The following ROBO2 variants were observed in gnomAD, a reference collection of about 807,000 sequenced individuals.
ROBO2 encodes roundabout guidance receptor 2, also known as roundabout homolog 2.
ROBO2 carries 53 observed loss-of-function variants against 160.8 expected under a neutral mutation model. That is an observed-to-expected ratio of 0.33 (90% CI 0.26 to 0.41). The LOEUF is 0.41. Among genes scored for constraint, ROBO2 ranks in the 10% least tolerant of loss-of-function variants. ROBO2 has a pLI of 1.00. For synonymous variants in ROBO2, 664 were observed against 611.7 expected (o/e 1.09, Z -1.26); for missense variants, 1,577 against 1,722.4 (o/e 0.92, Z 1.49).
intron 2 of ROBO2, among the ~76,000 whole-genome samples, chr3:77,114,230 C>T (rs902080316): frequency 6.6e-6 from 1 of 152,116 alleles, no homozygotes; most frequent in Non-Finnish European, 1.5e-5. Context: ...TCTAAGCAAG[C>T]TCCTATAGGA....
intron 23 of ROBO2, among the ~76,000 whole-genome samples, chr3:77,623,532 T>A (rs1025231060): frequency 2.0e-5 from 3 of 152,216 alleles, no homozygotes; most frequent in African/African-American, 7.2e-5. Context: ...TTACTCAATG[T>A]GTGATGCATG....
chr3:76,223,218 A>G (rs773845402), intron 2 of ROBO2, among the ~76,000 whole-genome samples: 11 of 151,870 alleles, frequency 7.2e-5, no homozygotes, highest in Non-Finnish European at 1.5e-5. Context: ...AAGTCTAGTT[A>G]TGGTCTAGAA....
At chr3:77,060,521 T>A (rs559297142) in intron 1 of ROBO2, among the ~76,000 whole-genome samples, 1 of 152,326 alleles carries the variant, frequency 6.6e-6, no homozygotes, top group Admixed American at 6.5e-5. Flanking sequence ...AGCTAGCCAT[T>A]GAAGGAGTTC....
At chr3:77,099,071 C>CTTTTT (rs750626067) in intron 2 of ROBO2, among the ~76,000 whole-genome samples, 96 of 121,230 alleles carry the variant, frequency 7.9e-4, no homozygotes, top group East Asian at 2.3e-3. Context: ...TTCTTTCTTT[C>CTTTTT]TTTTTTTTTT....
chr3:76,070,546 T>A (rs2068417112), intron 2 of ROBO2, among the ~76,000 whole-genome samples: 1 of 152,206 alleles, frequency 6.6e-6, no homozygotes. Flanking sequence ...GCCCCTGTCC[T>A]GTGGTCCTGT....
At chr3:76,948,797 C>T (rs192344627) in intron 2 of ROBO2, among the ~76,000 whole-genome samples, 1,726 of 142,134 alleles carry the variant, frequency 0.012, 16 homozygotes, top group Middle Eastern at 0.022. Flanking sequence ...CCCCCGCCTC[C>T]CAGGTTCAAG....
intron 2 of ROBO2, among the ~76,000 whole-genome samples, chr3:76,196,299 C>T (rs1359848339): frequency 1.3e-5 from 2 of 152,090 alleles, no homozygotes; most frequent in African/African-American, 4.8e-5. Flanking sequence ...TCCTAAGAAT[C>T]ATATAATCAT....
chr3:77,200,275 A>G (rs1469560184), intron 2 of ROBO2, among the ~76,000 whole-genome samples: 1 of 23,554 alleles, frequency 4.2e-5, no homozygotes, highest in South Asian at 1.4e-3. Context: ...TTTTATATAT[A>G]TATATATATA....
chr3:76,213,618 A>G (rs554894062), intron 2 of ROBO2, among the ~76,000 whole-genome samples: 94 of 152,312 alleles, frequency 6.2e-4, no homozygotes, highest in Non-Finnish European at 1.2e-3. Flanking sequence ...TTTAATTTAT[A>G]GAACATTTTG....
intron 2 of ROBO2, among the ~76,000 whole-genome samples, chr3:75,967,619 A>C (rs941408002): frequency 2.0e-5 from 3 of 151,616 alleles, no homozygotes; most frequent in African/African-American, 7.2e-5. Flanking sequence ...GATGGCAAAA[A>C]GTACCCAAGT....
intron 2 of ROBO2, among the ~76,000 whole-genome samples, chr3:75,971,997 A>G (rs2065009823): frequency 6.6e-6 from 1 of 151,632 alleles, no homozygotes; most frequent in Admixed American, 6.6e-5. Flanking sequence ...AATCAAATAA[A>G]TTATTCTGTT....
At chr3:75,959,014 A>C (rs1234202372) in intron 2 of ROBO2, among the ~76,000 whole-genome samples, 1 of 151,810 alleles carries the variant, frequency 6.6e-6, no homozygotes, top group African/African-American at 2.4e-5. Context: ...AGTCAGAGCA[A>C]CTTTAAGGCA....
chr3:77,440,952 G>T (rs905068884), intron 2 of ROBO2, among the ~76,000 whole-genome samples: 4 of 151,986 alleles, frequency 2.6e-5, no homozygotes. Flanking sequence ...TTTCTCCCAT[G>T]CCTCCCCATT....
rs184727058 is a variant in ROBO2 at position 77,588,877 on chromosome 3, T to C, written c.2627T>C (p.Phe876Ser). ...GCCTGCTGGGTAATTCTGATGGGTT[T>C]TAGCATATGGTTGTATTGGCGAAGA... Residue 876 changes from phenylalanine to serine, a missense_variant, in exon 17 of 26, where the codon TTT becomes TCT. This residue lies in a region of ROBO2 where 940 missense variants were observed against 1,135.5 expected (regional missense o/e 0.83). Coordinates refer to ENST00000461745, the Ensembl canonical transcript of ROBO2. 12 of 1,613,600 alleles carry C rather than the reference T, an allele frequency of 7.4e-6. No homozygotes were observed. The East Asian group carries it at 2.7e-4, about 36-fold the overall frequency.
intron 2 of ROBO2, among the ~76,000 whole-genome samples, chr3:76,909,173 G>A (rs549237575): frequency 6.6e-6 from 1 of 152,218 alleles, no homozygotes; most frequent in Non-Finnish European, 1.5e-5. Context: ...GTTGCAGTGA[G>A]CTGCGATCAA....
intron 2 of ROBO2, among the ~76,000 whole-genome samples, chr3:76,274,317 T>A (rs1223085649): frequency 6.6e-6 from 1 of 152,122 alleles, no homozygotes; most frequent in East Asian, 1.9e-4. Flanking sequence ...ACCTGCACGT[T>A]GTGCACATGT....
At chr3:77,311,846 A>G (rs892098787) in intron 2 of ROBO2, among the ~76,000 whole-genome samples, 3 of 152,138 alleles carry the variant, frequency 2.0e-5, no homozygotes, top group Non-Finnish European at 4.4e-5. Context: ...CAACACTTTG[A>G]GAGGCCGAGG....
intron 2 of ROBO2, among the ~76,000 whole-genome samples, chr3:76,038,005 C>T (rs1022997325): frequency 4.6e-5 from 7 of 151,992 alleles, no homozygotes; most frequent in African/African-American, 1.7e-4. Context: ...AATGTTCTTA[C>T]CTTATCTGAA....
chr3:76,013,028 T>C (rs1448795731), intron 2 of ROBO2, among the ~76,000 whole-genome samples: 1 of 133,420 alleles, frequency 7.5e-6, no homozygotes, highest in East Asian at 2.4e-4. Context: ...ATAAAGGCAA[T>C]TGGAGGCTGG....
Sources: gnomAD v4.1 joint callset for allele counts (sites outside exome capture counted in the v4.1 genomes callset) on GRCh38, gnomAD v4.1.1 for gene constraint, gnomAD v4.1.1 regional missense constraint, MANE v1.5 for transcripts, NCBI Gene and HGNC (gene_info 2026-07-23, HGNC 2026-07-21) for gene names.